VIPR2: variants seen among roughly 807,000 people sequenced by gnomAD.
The protein encoded by VIPR2 is vasoactive intestinal polypeptide receptor 2.
VIPR2 carries 48 observed loss-of-function variants against 58.0 expected under a neutral mutation model. The observed-to-expected ratio is 0.83, with a 90% confidence interval of 0.66 to 1.05. VIPR2 has a LOEUF of 1.05. VIPR2 is among the 50% of genes least tolerant of loss of function. The probability of loss-of-function intolerance (pLI) is 0.00; values close to 1 mark genes in which losing one functional copy is unlikely to be tolerated. For missense variants in VIPR2, 534 were observed against 558.0 expected (o/e 0.96, Z 0.43); for synonymous variants, 243 against 235.2 (o/e 1.03, Z -0.30).
intron 4 of VIPR2, among the ~76,000 whole-genome samples, chr7:159,091,614 C>A (rs73169239): frequency 0.13 from 19,411 of 152,252 alleles, 1,430 homozygotes; most frequent in East Asian, 0.16. Context: ...CTCACACAGT[C>A]CGGTTCCCCC....
At chr7:159,064,242 C>A (rs1033152281) in intron 4 of VIPR2, among the ~76,000 whole-genome samples, 1 of 152,036 alleles carries the variant, frequency 6.6e-6, no homozygotes, top group Non-Finnish European at 1.5e-5. Flanking sequence ...CCGCATTTCA[C>A]GGGAGCCCCG....
At chr7:159,121,441 C>T (rs1237443952) in intron 2 of VIPR2, among the ~76,000 whole-genome samples, 5 of 152,162 alleles carry the variant, frequency 3.3e-5, no homozygotes, top group Admixed American at 2.0e-4. Flanking sequence ...GAGGACCTCC[C>T]TGCTTAGGGC....
At position 159,031,004 on chromosome 7, in the gene VIPR2, CT is replaced by C. The variant is rs535711372; in HGVS notation, c.1144-216del. ...GGAGGGCGGGGGACGCTGCCAGACT[CT>C]AAGACTGTGCGTGGGTGGTTCGGGG... On this transcript the variant is annotated intron_variant, in intron 12 of 12. Transcript: ENST00000262178. The surrounding 1 kb of genome is among the most constrained non-coding windows in gnomAD (Gnocchi z 4.0). 2.7e-4 allele frequency among the ~76,000 whole-genome samples: 41 copies of C among 152,374 alleles called. No individual in the cohort carries two copies. In the East Asian group the frequency reaches 6.7e-3, roughly 25 times the overall value.
rs549009587 is a variant in VIPR2, at chr7:159,095,648, G to A, written c.357+8109C>T. ...TAAGAGGGAGAACAGGAGTGTCACC[G>A]GAAGCCCCAGACTCAAGGCCCTGCT... On this transcript the variant is annotated intron_variant, in intron 4 of 12. Coordinates refer to ENST00000262178, the MANE Select transcript of VIPR2 (RefSeq NM_003382.5). The surrounding 1 kb of genome is among the most constrained non-coding windows in gnomAD (Gnocchi z 5.2). Among the ~76,000 whole-genome samples the A allele has an allele frequency of 2.6e-5, 4 of 152,232 alleles. No homozygotes were observed. The highest frequency in any genetic ancestry group is 2.1e-4 in the South Asian group (1 of 4,806).
chr7:159,143,376 C>A (rs948233898), intron 1 of VIPR2, among the ~76,000 whole-genome samples: 1 of 152,222 alleles, frequency 6.6e-6, no homozygotes. Context: ...TCCCCCTCCC[C>A]CACCACCGAC....
At chr7:159,062,139 G>C (rs111642440) in intron 4 of VIPR2, among the ~76,000 whole-genome samples, 2,181 of 152,294 alleles carry the variant, frequency 0.014, 50 homozygotes, top group African/African-American at 0.05. Context: ...ACAGGGACTT[G>C]ATGGGGGGCC....
intron 2 of VIPR2, among the ~76,000 whole-genome samples, chr7:159,126,408 T>C (rs1404305972): frequency 1.3e-5 from 2 of 152,262 alleles, no homozygotes; most frequent in African/African-American, 4.8e-5. Flanking sequence ...GGGTATGATA[T>C]GCCAAATGCC....
intron 2 of VIPR2, among the ~76,000 whole-genome samples, chr7:159,134,975 T>C (rs999676529): frequency 2.7e-5 from 4 of 150,916 alleles, no homozygotes; most frequent in African/African-American, 4.9e-5. Flanking sequence ...AATATTTTCT[T>C]GAATATTGGT....
intron 2 of VIPR2, among the ~76,000 whole-genome samples, chr7:159,123,216 C>G (rs929353337): frequency 7.0e-6 from 1 of 143,854 alleles, no homozygotes; most frequent in African/African-American, 2.6e-5. Context: ...TCGCTTCAAC[C>G]CAGGAGGCAG....
chr7:159,067,145 G>A (rs778496269), intron 4 of VIPR2, among the ~76,000 whole-genome samples: 3 of 152,226 alleles, frequency 2.0e-5, no homozygotes, highest in Non-Finnish European at 4.4e-5. Context: ...GATAAAGAAC[G>A]TTCCCATCAG....
chr7:159,085,660 C>T (rs1242416326), intron 4 of VIPR2, among the ~76,000 whole-genome samples: 2 of 152,102 alleles, frequency 1.3e-5, no homozygotes, highest in Admixed American at 6.5e-5. Flanking sequence ...CCCATGACAC[C>T]GTCTCACTGG....
chr7:159,084,624 C>T (rs759844388), intron 4 of VIPR2, among the ~76,000 whole-genome samples: 19 of 152,224 alleles, frequency 1.2e-4, no homozygotes, highest in Non-Finnish European at 2.1e-4. Flanking sequence ...GGGCCCCTGG[C>T]GGCGTGGCCT....
At position 159,099,042 on chromosome 7, in the gene VIPR2, G is replaced by A. The variant is rs1858045301; in HGVS notation, c.357+4715C>T. Among the ~76,000 whole-genome samples the A allele has an allele frequency of 6.6e-6, 1 of 152,246 alleles. No homozygotes were observed. Among genetic ancestry groups the A allele is most frequent in the South Asian group, 2.1e-4 (1 of 4,832 alleles). On this transcript the variant is annotated intron_variant, in intron 4 of 12. Transcript: ENST00000262178. The surrounding 1 kb of genome is among the most constrained non-coding windows in gnomAD (Gnocchi z 4.2). ...GCTTGCAGCCTCCAGAGCCGCCTGT[G>A]CTATGTGCTGTTGCTTCGTCTTGGA...
chr7:159,109,712 G>T, intron 3 of VIPR2, 100 bp downstream of exon 3: 2 of 1,108,178 alleles, frequency 1.8e-6, no homozygotes, highest in Non-Finnish European at 2.7e-6. Context: ...AGCAGGAGAT[G>T]CCTGAAGGAA....
chr7:159,099,468 T>C lies in VIPR2; in HGVS notation c.357+4289A>G, dbSNP rs2129495691. ...TGGGCATGACTCTGTGGGCTGACAT[T>C]GCCACAGCAGGCGGCGGCTGTCACT... On this transcript the variant is annotated intron_variant, in intron 4 of 12. Transcript: ENST00000262178. The surrounding 1 kb of genome is among the most constrained non-coding windows in gnomAD (Gnocchi z 4.2). 6.6e-6 allele frequency among the ~76,000 whole-genome samples: 1 copy of C among 152,266 alleles called. No homozygotes were observed. The highest frequency in any genetic ancestry group is 1.5e-5 in the Non-Finnish European group (1 of 68,012).
intron 4 of VIPR2, among the ~76,000 whole-genome samples, chr7:159,070,384 A>G (rs1856319346): frequency 6.6e-6 from 1 of 151,646 alleles, no homozygotes; most frequent in Non-Finnish European, 1.5e-5. Flanking sequence ...CCAGCTACAC[A>G]TTTTAAAGGA....
chr7:159,139,851 G>C (rs1797391249), intron 2 of VIPR2, among the ~76,000 whole-genome samples: 1 of 152,274 alleles, frequency 6.6e-6, no homozygotes, highest in Non-Finnish European at 1.5e-5. Flanking sequence ...CCCCCTCAGG[G>C]ACCTGTGCCT....
intron 5 of VIPR2, among the ~76,000 whole-genome samples, chr7:159,058,009 C>T (rs1328713027): frequency 6.6e-6 from 1 of 152,170 alleles, no homozygotes; most frequent in Non-Finnish European, 1.5e-5. Flanking sequence ...TTAGTCTCCA[C>T]ACATTACAGA....
At chr7:159,079,600 A>C (rs1204557912) in intron 4 of VIPR2, among the ~76,000 whole-genome samples, 1 of 152,242 alleles carries the variant, frequency 6.6e-6, no homozygotes. Flanking sequence ...AGCAGAAGGC[A>C]AGAAATAACT....
Sources: allele counts gnomAD v4.1 joint callset (sites outside exome capture counted in the v4.1 genomes callset), GRCh38; gene constraint gnomAD v4.1.1; non-coding constraint Gnocchi (gnomAD v3.1); transcripts MANE v1.5; gene names NCBI Gene and HGNC (gene_info 2026-07-23, HGNC 2026-07-21).